The following RBFOX1 variants were observed in gnomAD, a reference collection of about 807,000 sequenced individuals.
The protein encoded by RBFOX1 is RNA binding protein fox-1 homolog 1.
In RBFOX1, 8 loss-of-function variants were observed where a neutral mutation model predicts 57.7. That is an observed-to-expected ratio of 0.14 (90% confidence interval 0.08 to 0.25). The LOEUF is 0.25. Ranked by LOEUF, RBFOX1 falls within the 10% of genes least tolerant of loss-of-function variation. The probability of loss-of-function intolerance (pLI) is 1.00; values close to 1 mark genes in which losing one functional copy is unlikely to be tolerated. For missense variants in RBFOX1, 611 were observed against 548.5 expected, an observed-to-expected ratio of 1.11 and a Z score of -1.14; for synonymous variants, 326 against 222.4, an observed-to-expected ratio of 1.47 and a Z score of -4.15.
rs576876926 is a variant in RBFOX1 at position 5,893,063 on chromosome 16, C to G, written c.351+25728C>G. On this transcript the variant is annotated intron_variant, in intron 4 of 19. Coordinates refer to the RBFOX1 transcript ENST00000641259. The stretch of plus-strand genomic sequence containing the variant: ...CAGTGACCCAACCCAGCTGGGAAGC[C>G]TCTTCAAAATCTCATGCGTCAGTAT... Among the ~76,000 whole-genome samples the G allele has an allele frequency of 2.2e-3, 329 of 152,300 alleles. 1 individual carries two copies. Among genetic ancestry groups the G allele is most frequent in the African/African-American group, 7.6e-3 (316 of 41,558 alleles).
intron 3 of RBFOX1, among the ~76,000 whole-genome samples, chr16:5,697,704 T>TG (rs972316275): frequency 0.011 from 1 of 94 alleles, no homozygotes; most frequent in Non-Finnish European, 0.018. Context: ...CGGCTAATTT[T>TG]TGTATTTTTA....
At chr16:7,352,056 A>G (rs910205380) in intron 4 of RBFOX1, among the ~76,000 whole-genome samples, 1 of 152,070 alleles carries the variant, frequency 6.6e-6, no homozygotes, top group Non-Finnish European at 1.5e-5. Context: ...CTTAAATAAT[A>G]TGTCACGCTG....
At chr16:5,789,287 G>T (rs942148727) in intron 3 of RBFOX1, among the ~76,000 whole-genome samples, 4 of 152,186 alleles carry the variant, frequency 2.6e-5, no homozygotes, top group Admixed American at 1.3e-4. Context: ...GGAGCCAGGC[G>T]CATCAGGGAG....
At chr16:6,001,975 T>TC (rs1215443983) in intron 4 of RBFOX1, among the ~76,000 whole-genome samples, 1 of 150,710 alleles carries the variant, frequency 6.6e-6, no homozygotes, top group African/African-American at 2.5e-5. Flanking sequence ...AACCTTTTTT[T>TC]TTTTTTTTTG....
At chr16:7,332,226 G>T (rs1480177306) in intron 4 of RBFOX1, among the ~76,000 whole-genome samples, 1 of 152,176 alleles carries the variant, frequency 6.6e-6, no homozygotes, top group East Asian at 1.9e-4. Context: ...ACTAGTATCA[G>T]CCCTGTTTCC....
intron 4 of RBFOX1, among the ~76,000 whole-genome samples, chr16:7,446,798 A>ATTTTTTTTTT (rs34580591): frequency 2.0e-5 from 1 of 48,970 alleles, no homozygotes; most frequent in Non-Finnish European, 3.5e-5. Context: ...AGGTCTAGGT[A>ATTTTTTTTTT]TTTTTTTTTT....
At position 7,626,770 on chromosome 16, in the gene RBFOX1, T is replaced by G. The variant is rs147856229; in HGVS notation, c.677-3833T>G. ...CATGAACAGGCGGAAGAAAGATTGG[T>G]TGAAAAAAAACACTATTTTTAGCAA... On this transcript the variant is annotated intron_variant, in intron 10 of 15. Coordinates refer to ENST00000550418, the MANE Select transcript of RBFOX1 (RefSeq NM_018723.4). 9.8e-4 allele frequency among the ~76,000 whole-genome samples: 149 copies of G among 152,272 alleles called. 2 individuals are homozygous for G. The East Asian group carries it at 0.022, about 23-fold the overall frequency.
chr16:7,372,024 G>T (rs1242397599), intron 4 of RBFOX1, among the ~76,000 whole-genome samples: 1 of 151,936 alleles, frequency 6.6e-6, no homozygotes, highest in Non-Finnish European at 1.5e-5. Context: ...TTATCTGATA[G>T]AGATATTTAA....
At chr16:5,383,976 C>T (rs995283214) in intron 1 of RBFOX1, among the ~76,000 whole-genome samples, 1 of 152,206 alleles carries the variant, frequency 6.6e-6, no homozygotes, top group Non-Finnish European at 1.5e-5. Flanking sequence ...CTCCTCCATG[C>T]TGGCTTCACT....
At chr16:5,705,384 C>G (rs749725236) in intron 3 of RBFOX1, among the ~76,000 whole-genome samples, 13 of 152,260 alleles carry the variant, frequency 8.5e-5, no homozygotes, top group Non-Finnish European at 1.5e-4. Flanking sequence ...ACCTCAGCCT[C>G]CTGAGTAGCT....
At chr16:7,192,627 C>G (rs2085702192) in intron 4 of RBFOX1, among the ~76,000 whole-genome samples, 1 of 152,076 alleles carries the variant, frequency 6.6e-6, no homozygotes, top group Admixed American at 6.6e-5. Context: ...AAAACTAATG[C>G]AATAGACAGT....
intron 3 of RBFOX1, among the ~76,000 whole-genome samples, chr16:5,864,407 C>G (rs1390033117): frequency 6.6e-6 from 1 of 152,190 alleles, no homozygotes; most frequent in East Asian, 1.9e-4. Flanking sequence ...CTTTTCTTCA[C>G]CCTTTGGGTC....
chr16:6,219,332 G>T (rs2097356633), intron 1 of RBFOX1, among the ~76,000 whole-genome samples: 1 of 152,096 alleles, frequency 6.6e-6, no homozygotes, highest in South Asian at 2.1e-4. Context: ...AAAAGTAATA[G>T]TTATCCTGCG....
At chr16:6,613,050 T>C (rs2098089302) in intron 2 of RBFOX1, among the ~76,000 whole-genome samples, 1 of 150,344 alleles carries the variant, frequency 6.7e-6, no homozygotes, top group Non-Finnish European at 1.5e-5. Flanking sequence ...TGTGAGTGTG[T>C]GTGTGTGTTT....
At position 5,853,116 on chromosome 16, in the gene RBFOX1, AG is replaced by A. The variant is rs145794221; in HGVS notation, c.319-14185del. ...TTGGAGTCATCTCTTGTGTAGAGAAAGGAGGCAGCCAGTAAGGGGGTGCAAG... is the reference window on the plus strand; with the variant it reads ...TTGGAGTCATCTCTTGTGTAGAGAAAGAGGCAGCCAGTAAGGGGGTGCAAG... On this transcript the variant is annotated intron_variant, in intron 3 of 19. Transcript: ENST00000641259. Among the ~76,000 whole-genome samples, 947 of 151,452 alleles carry A rather than the reference AG, an allele frequency of 6.3e-3. 17 individuals are homozygous for A. The highest frequency in any genetic ancestry group is 0.021 in the African/African-American group (880 of 41,272).
At chr16:5,595,797 C>G (rs148651368) in intron 2 of RBFOX1, among the ~76,000 whole-genome samples, 1 of 152,092 alleles carries the variant, frequency 6.6e-6, no homozygotes, top group Non-Finnish European at 1.5e-5. Context: ...TAGGGACACA[C>G]GGGATTGGGC....
chr16:5,533,559 A>C (rs143201649), intron 2 of RBFOX1, among the ~76,000 whole-genome samples: 3,930 of 152,304 alleles, frequency 0.026, 99 homozygotes, highest in Admixed American at 0.071. Flanking sequence ...TGACAACTTC[A>C]AACAGAGGCT....
intron 3 of RBFOX1, among the ~76,000 whole-genome samples, chr16:6,655,006 ATTAC>A (rs1258546904): frequency 2.0e-5 from 3 of 151,826 alleles, no homozygotes; most frequent in Admixed American, 6.6e-5. Context: ...TAATTATATT[ATTAC>A]TTACATTATA....
At chr16:6,308,072 AATC>A (rs2079752294) in intron 1 of RBFOX1, among the ~76,000 whole-genome samples, 1 of 151,096 alleles carries the variant, frequency 6.6e-6, no homozygotes, top group East Asian at 1.9e-4. Context: ...CATATTTTAT[AATC>A]ATTTATTCAT....
Sources: gnomAD v4.1 joint callset for allele counts (sites outside exome capture counted in the v4.1 genomes callset) on GRCh38, gnomAD v4.1.1 for gene constraint, MANE v1.5 for transcripts, NCBI Gene and HGNC (gene_info 2026-07-23, HGNC 2026-07-21) for gene names.